Variants in PIGL observed in about 807,000 individuals in gnomAD.
The protein encoded by PIGL is N-acetylglucosaminyl-phosphatidylinositol de-N-acetylase.
Under a neutral mutation model 31.1 loss-of-function variants are expected in PIGL, and 22 were observed. That is an observed-to-expected ratio of 0.71 (90% CI 0.51 to 1.01). The LOEUF (loss-of-function observed/expected upper bound fraction) is 1.01. Ranked by LOEUF, PIGL falls within the 50% of genes least tolerant of loss-of-function variation. The probability of loss-of-function intolerance (pLI) is 0.00; values close to 1 mark genes in which losing one functional copy is unlikely to be tolerated. For missense variants in PIGL, 302 were observed against 315.9 expected, an observed-to-expected ratio of 0.96 and a Z score of 0.33; for synonymous variants, 131 against 117.4, an observed-to-expected ratio of 1.12 and a Z score of -0.75.
intron 6 of PIGL, among the ~76,000 whole-genome samples, chr17:16,322,807 T>TA (rs1045944060): frequency 5.9e-5 from 9 of 152,298 alleles, no homozygotes; most frequent in East Asian, 1.9e-4. Flanking sequence ...TCTCCTACTG[T>TA]AAAAAAATAC....
chr17:16,254,555 AC>A (rs1275919976), intron 2 of PIGL, among the ~76,000 whole-genome samples: 15 of 152,052 alleles, frequency 9.9e-5, no homozygotes, highest in African/African-American at 3.6e-4. Flanking sequence ...GGCGTGAGCC[AC>A]CGCACCTGGC....
chr17:16,300,840 C>A (rs1025059001), intron 3 of PIGL, among the ~76,000 whole-genome samples: 26 of 152,094 alleles, frequency 1.7e-4, no homozygotes, highest in Non-Finnish European at 7.3e-5. Context: ...TTCATACCCA[C>A]TAAGGAAGAA....
intron 2 of PIGL, among the ~76,000 whole-genome samples, chr17:16,240,081 A>T (rs2092716385): frequency 6.6e-6 from 1 of 152,176 alleles, no homozygotes; most frequent in African/African-American, 2.4e-5. Context: ...CAGATTTCTC[A>T]TGAATAGTTT....
chr17:16,230,622 C>CTTT (rs764511731), intron 1 of PIGL, among the ~76,000 whole-genome samples: 3 of 144,216 alleles, frequency 2.1e-5, no homozygotes, highest in Non-Finnish European at 4.6e-5. Context: ...GTCATAATCA[C>CTTT]TTTTTTTTTT....
chr17:16,257,617 T>G (rs934993430), intron 2 of PIGL, among the ~76,000 whole-genome samples: 5 of 151,438 alleles, frequency 3.3e-5, no homozygotes, highest in African/African-American at 1.2e-4. Flanking sequence ...ATCATATATA[T>G]GTATCATATA....
chr17:16,291,505 T>TC (rs2092960255), intron 2 of PIGL, among the ~76,000 whole-genome samples: 1 of 28,272 alleles, frequency 3.5e-5, no homozygotes, highest in Non-Finnish European at 9.1e-5. Context: ...AGACTCTGGC[T>TC]CAAAAAAAAA....
At chr17:16,325,326 CAGGCTCAAAAAAAAAAAA>C (rs2093122677) in intron 6 of PIGL, among the ~76,000 whole-genome samples, 1 of 68,304 alleles carries the variant, frequency 1.5e-5, no homozygotes, top group Admixed American at 2.7e-4. Flanking sequence ...GCCTGGGCAA[CAGGCTCAAAAAAAAAAAA>C]AAAAAAAAAA....
chr17:16,230,054 G>C (rs766690454), intron 1 of PIGL, among the ~76,000 whole-genome samples: 2 of 151,690 alleles, frequency 1.3e-5, no homozygotes, highest in Non-Finnish European at 2.9e-5. Flanking sequence ...GTAGAGATGG[G>C]GTTTCACTAT....
chr17:16,294,857 A>C (rs1460932524), intron 2 of PIGL, among the ~76,000 whole-genome samples: 2 of 152,090 alleles, frequency 1.3e-5, no homozygotes, highest in Non-Finnish European at 2.9e-5. Context: ...TTCTCCTGAC[A>C]TCTAGTTCCC....
Position 16,248,820 on chromosome 17 carries a change from A to G in PIGL, c.335+14750A>G, listed in dbSNP as rs532129246. Among the ~76,000 whole-genome samples the G allele has an allele frequency of 3.3e-5, 5 of 152,278 alleles. 1 individual carries two copies. The South Asian group carries it at 1.0e-3, about 32-fold the overall frequency. On this transcript the variant is annotated intron_variant, in intron 2 of 6. Transcript: ENST00000225609. ...GCTTGGGCTGCCAAAACAAAATACCATAGACTGGGTGGCTTAAACAACACA... is the reference window on the plus strand; with the variant it reads ...GCTTGGGCTGCCAAAACAAAATACCGTAGACTGGGTGGCTTAAACAACACA...
intron 2 of PIGL, among the ~76,000 whole-genome samples, chr17:16,276,744 TA>T (rs2092897528): frequency 1.3e-5 from 2 of 152,080 alleles, no homozygotes; most frequent in Non-Finnish European, 2.9e-5. Context: ...TCTCAAAAAA[TA>T]AAATAAAATA....
At chr17:16,320,202 A>AAAGGAAGGAAGGAAGGAAGG (rs199746775) in intron 6 of PIGL, among the ~76,000 whole-genome samples, 2 of 63,332 alleles carry the variant, frequency 3.2e-5, no homozygotes, top group African/African-American at 1.3e-4. Flanking sequence ...GAGAGAAAGA[A>AAAGGAAGGAAGGAAGGAAGG]AAGGAAGGAA....
At chr17:16,324,639 G>A (rs1462355100) in intron 6 of PIGL, among the ~76,000 whole-genome samples, 1 of 152,184 alleles carries the variant, frequency 6.6e-6, no homozygotes, top group South Asian at 2.1e-4. Context: ...GATTACAGGC[G>A]TGAGCCTCCA....
In PIGL at chr17:16,217,585, T is replaced by TA. The variant is rs2092595468; in HGVS notation, c.235+125dup. Reference sequence around the variant, plus strand: ...AGCTAAGTGAATACACCGAAGGTCTTACCTCTGAACCCCTCACAGCCTAGG... The same window carrying TA: ...AGCTAAGTGAATACACCGAAGGTCTTAACCTCTGAACCCCTCACAGCCTAGG... On this transcript the variant is annotated intron_variant, in intron 1 of 6. Transcript: ENST00000225609. The TA allele has an allele frequency of 7.8e-6, 6 of 771,872 alleles. No homozygotes were observed. The South Asian group carries it at 1.0e-4, about 13-fold the overall frequency. The allele number at this position is 771,872 out of a possible 1,614,324, so 47.8% of individuals were successfully genotyped here.
intron 2 of PIGL, among the ~76,000 whole-genome samples, chr17:16,250,102 A>C (rs2092764802): frequency 6.6e-6 from 1 of 152,046 alleles, no homozygotes; most frequent in African/African-American, 2.4e-5. Context: ...ATATGCCACC[A>C]TGTCCGGCTA....
At chr17:16,301,949 C>T (rs1255869079) in intron 3 of PIGL, among the ~76,000 whole-genome samples, 6 of 152,056 alleles carry the variant, frequency 3.9e-5, no homozygotes, top group Non-Finnish European at 7.4e-5. Flanking sequence ...TGTCCTCCCT[C>T]ATTGGCCTCC....
intron 3 of PIGL, chr17:16,312,928 A>AGGGGGGGGGGGGGG (rs869065594): frequency 7.9e-5 from 2 of 25,344 alleles, no homozygotes; most frequent in African/African-American, 2.7e-4. Context: ...GGGAGGGGGA[A>AGGGGGGGGGGGGGG]GGGGGGGGGA....
chr17:16,259,076 G>A (rs1182573209), intron 2 of PIGL, among the ~76,000 whole-genome samples: 4 of 152,196 alleles, frequency 2.6e-5, no homozygotes, highest in Admixed American at 2.6e-4. Context: ...AGCTGTTTGT[G>A]TGTGTTGTAA....
chr17:16,308,910 C>T (rs1422215600), intron 3 of PIGL, among the ~76,000 whole-genome samples: 2 of 151,558 alleles, frequency 1.3e-5, no homozygotes, highest in Middle Eastern at 6.8e-3. Context: ...TCTTCCTCTC[C>T]CAAGTAGCTG....
Sources: gnomAD v4.1 joint callset for allele counts (sites outside exome capture counted in the v4.1 genomes callset) on GRCh38, gnomAD v4.1.1 for gene constraint, MANE v1.5 for transcripts, NCBI Gene and HGNC (gene_info 2026-07-23, HGNC 2026-07-21) for gene names.